Variants in ZRSR2 observed in about 807,000 individuals in gnomAD.
ZRSR2 encodes U2 small nuclear ribonucleoprotein auxiliary factor 35 kDa subunit-related protein 2.
ZRSR2 carries 3 observed loss-of-function variants against 39.4 expected under a neutral mutation model. The ratio of observed to expected loss-of-function variants is 0.08; its 90% CI spans 0.03 to 0.20. ZRSR2 has a LOEUF of 0.20. Ranked by LOEUF, ZRSR2 falls within the 10% of genes least tolerant of loss-of-function variation. The pLI is 1.00. For missense variants in ZRSR2, 256 were observed against 391.5 expected (o/e 0.65, Z 2.92); for synonymous variants, 137 against 136.0 (o/e 1.01, Z -0.05).
At chrX:15,818,355 T>C (rs2316347) in intron 8 of ZRSR2, among the ~76,000 whole-genome samples, 25,713 of 111,885 alleles carry the variant, frequency 0.23, 2,193 homozygotes, top group East Asian at 0.37. Context: ...TTTATGGATG[T>C]GTGAAACATT....
At chrX:15,805,929 CA>C (rs34575364) in intron 5 of ZRSR2, among the ~76,000 whole-genome samples, 16,011 of 66,066 alleles carry the variant, frequency 0.24, 1,349 homozygotes, top group Middle Eastern at 0.35. Context: ...GACTTCGTCT[CA>C]AAAAAAAAAA....
intron 7 of ZRSR2, among the ~76,000 whole-genome samples, chrX:15,813,692 C>T (rs1233855159): frequency 8.9e-6 from 1 of 111,822 alleles, no homozygotes; most frequent in Non-Finnish European, 1.9e-5. Context: ...AAATTAGTTC[C>T]TTGTTTAATT....
In ZRSR2 at chrX:15,820,222, A is replaced by G. The variant is rs1364427027; in HGVS notation, c.843A>G (p.Gln281=). The change falls in exon 10 of 11, where the codon CAA becomes CAG. Residue 281 remains glutamine (Q), a synonymous_variant. Coordinates refer to ENST00000307771, the MANE Select transcript of ZRSR2 (RefSeq NM_005089.4). The stretch of plus-strand genomic sequence containing the variant: ...TGGTTTAAAGGGAAGAAGAATGCCA[A>G]GCAGCCCTTTCTCTGTTTAACGGAC... ...YVQYQSEEEC[Q]AALSLFNGRW... The G allele has an allele frequency of 8.3e-7, 1 of 1,210,887 alleles. No homozygotes were observed. Among genetic ancestry groups the G allele is most frequent in the South Asian group, 1.8e-5 (1 of 56,924 alleles).
At chrX:15,818,179 G>T (rs976609568) in intron 8 of ZRSR2, among the ~76,000 whole-genome samples, 1 of 112,543 alleles carries the variant, frequency 8.9e-6, no homozygotes, top group Non-Finnish European at 1.9e-5. Context: ...CTCCTAGCCT[G>T]TGGAGAGTGT....
chrX:15,815,855 G>C lies in ZRSR2; in HGVS notation c.736G>C (p.Glu246Gln). Residue 246 changes from glutamate (E) to glutamine (Q), a missense_variant, in exon 8 of 11, where the codon GAG becomes CAG. Coordinates refer to ENST00000307771, the MANE Select transcript of ZRSR2 (RefSeq NM_005089.4). ...AGACTTCTATGAGGATGTGTTGCCC[G>C]AGTTCAAGAACGTGGGGAAAGTGAT... Reference protein sequence around the residue: ...FLDFYEDVLPEFKNVGKVIQF... With the variant: ...FLDFYEDVLPQFKNVGKVIQF... The C allele has an allele frequency of 8.3e-7, 1 of 1,209,333 alleles. No individual in the cohort carries two copies. The highest frequency in any genetic ancestry group is 1.1e-6 in the Non-Finnish European group (1 of 894,422).
At chrX:15,790,858 G>A (rs985848425) in intron 1 of ZRSR2, 76 bp from the exon 2 acceptor site, 13 of 980,880 alleles carry the variant, frequency 1.3e-5, no homozygotes, top group Admixed American at 2.3e-5. Flanking sequence ...CCTTTCATTG[G>A]GCACAGAGGA....
intron 3 of ZRSR2, among the ~76,000 whole-genome samples, chrX:15,800,267 A>G (rs1467057643): frequency 1.9e-5 from 2 of 102,799 alleles, no homozygotes; most frequent in Non-Finnish European, 2.0e-5. Context: ...GCTCACTGCA[A>G]TCTCCGCCTC....
At chrX:15,800,016 T>TA in intron 3 of ZRSR2, 63 bp downstream of exon 3, 1 of 772,474 alleles carries the variant, frequency 1.3e-6, no homozygotes, top group Admixed American at 2.7e-5. Flanking sequence ...TATCAACCTT[T>TA]ACTAACCAGT....
chrX:15,799,829 G>T, intron 2 of ZRSR2, 43 bp from the exon 3 acceptor site: 1 of 921,604 alleles, frequency 1.1e-6, no homozygotes, highest in Non-Finnish European at 1.5e-6. Flanking sequence ...TTTTGACCAA[G>T]GATTTGCAGC....
At chrX:15,798,494 A>G (rs1932554297) in intron 2 of ZRSR2, among the ~76,000 whole-genome samples, 1 of 111,940 alleles carries the variant, frequency 8.9e-6, no homozygotes, top group Admixed American at 9.6e-5. Flanking sequence ...ACATACATAG[A>G]ACATTTTTTC....
At chrX:15,790,696 C>T (rs771665569) in intron 1 of ZRSR2, among the ~76,000 whole-genome samples, 160 bp downstream of exon 1, 4 of 112,047 alleles carry the variant, frequency 3.6e-5, no homozygotes, top group Non-Finnish European at 5.6e-5. Flanking sequence ...CGGACTTGCA[C>T]GGGCGGCTGT....
At chrX:15,815,586 C>CGTGA in intron 7 of ZRSR2, 91 bp from the exon 8 acceptor site, 1 of 796,161 alleles carries the variant, frequency 1.3e-6, no homozygotes. Context: ...GGATTACAGG[C>CGTGA]GTGAGCCACC....
Position 15,820,308 on chromosome X carries a change from C to T in ZRSR2, c.929C>T (p.Ala310Val). ...EFCPVTRWKM[A>V]ICGLFEIQQC... ...TGCCCCGTGACCCGGTGGAAAATGG[C>T]GATTTGTGGTAAAAGACAAAGTGAT... is the stretch of plus-strand genomic sequence containing the variant. Residue 310 changes from alanine to valine, a missense_variant, in exon 10 of 11, where the codon GCG becomes GTG. Transcript: ENST00000307771. 8.3e-7 allele frequency: 1 copy of T among 1,205,909 alleles called. No homozygotes were observed.
chrX:15,819,275 C>A (rs997939900), intron 9 of ZRSR2, among the ~76,000 whole-genome samples: 33 of 108,990 alleles, frequency 3.0e-4, no homozygotes, highest in Non-Finnish European at 5.2e-4. Context: ...AGTTCAAGAC[C>A]AGCCTGGTCA....
intron 3 of ZRSR2, among the ~76,000 whole-genome samples, chrX:15,800,490 A>G (rs1932637472): frequency 9.0e-6 from 1 of 111,204 alleles, no homozygotes; most frequent in South Asian, 3.7e-4. Context: ...CCTGACCTGT[A>G]ATTGTTTTTG....
Position 15,822,100 on chromosome X carries a change from C to T in ZRSR2, c.938-631C>T, listed in dbSNP as rs984143355. 2.7e-5 allele frequency among the ~76,000 whole-genome samples: 3 copies of T among 110,210 alleles called. No individual in the cohort carries two copies. In the Admixed American group the frequency reaches 2.9e-4, roughly 11 times the overall value. On this transcript the variant is annotated intron_variant, in intron 10 of 10. Transcript: ENST00000307771. ...CCACCTCCTGGGTTTAAGTGATTCT[C>T]ATGCCTCCGCCTCCTGAGTAGCTGG...
intron 10 of ZRSR2, among the ~76,000 whole-genome samples, chrX:15,821,106 C>A (rs764507042): frequency 8.9e-6 from 1 of 112,044 alleles, no homozygotes; most frequent in Non-Finnish European, 1.9e-5. Context: ...TCCTTGGATT[C>A]TGTCATTCTG....
intron 7 of ZRSR2, among the ~76,000 whole-genome samples, chrX:15,811,306 T>C (rs1932876572): frequency 1.8e-5 from 2 of 112,301 alleles, no homozygotes; most frequent in Admixed American, 1.9e-4. Context: ...CACATTTGCA[T>C]GGGTACTTGA....
intron 5 of ZRSR2, among the ~76,000 whole-genome samples, chrX:15,807,283 G>A (rs1240963220): frequency 1.8e-5 from 2 of 110,607 alleles, no homozygotes; most frequent in Admixed American, 9.6e-5. Context: ...GGGTTTTTTC[G>A]TTTGTTTGTT....
Sources: allele counts gnomAD v4.1 joint callset (sites outside exome capture counted in the v4.1 genomes callset), GRCh38; gene constraint gnomAD v4.1.1; transcripts MANE v1.5; gene names NCBI Gene and HGNC (gene_info 2026-07-23, HGNC 2026-07-21).